The following INPP5D variants were observed in gnomAD, a reference collection of about 807,000 sequenced individuals.
INPP5D encodes inositol polyphosphate-5-phosphatase D, also known as phosphatidylinositol 3,4,5-trisphosphate 5-phosphatase 1.
In INPP5D, 33 loss-of-function variants were observed where a neutral mutation model predicts 122.9. The observed-to-expected ratio is 0.27, with a 90% CI of 0.20 to 0.36. INPP5D has a LOEUF of 0.36. INPP5D is among the 10% of genes least tolerant of loss of function. The probability of loss-of-function intolerance (pLI) is 1.00; values close to 1 mark genes in which losing one functional copy is unlikely to be tolerated. For synonymous variants in INPP5D, 584 were observed against 576.2 expected (o/e 1.01, Z -0.19); for missense variants, 1,053 against 1,412.7 (o/e 0.75, Z 4.08).
At chr2:233,102,299 C>T (rs1224956889) in intron 2 of INPP5D, among the ~76,000 whole-genome samples, 1 of 152,164 alleles carries the variant, frequency 6.6e-6, no homozygotes, top group Non-Finnish European at 1.5e-5. Flanking sequence ...TGTGTTACCC[C>T]ATGATGCTGT....
At chr2:233,150,352 C>T (rs899972904) in intron 9 of INPP5D, among the ~76,000 whole-genome samples, 10 of 152,182 alleles carry the variant, frequency 6.6e-5, no homozygotes, top group Admixed American at 1.3e-4. Context: ...CCATGTAAGA[C>T]GTGACTTTGC....
chr2:233,090,020 G>A (rs1574716789), intron 2 of INPP5D, among the ~76,000 whole-genome samples: 1 of 152,324 alleles, frequency 6.6e-6, no homozygotes, highest in East Asian at 1.9e-4. Context: ...TCGCATTGTG[G>A]GGTGGTAGGC....
At chr2:233,176,724 TTGGA>T in intron 17 of INPP5D, among the ~76,000 whole-genome samples, 1 of 138,536 alleles carries the variant, frequency 7.2e-6, no homozygotes, top group East Asian at 2.2e-4. Context: ...GGACAGGTAG[TTGGA>T]TGGATGGGTG....
chr2:233,121,196 A>AT (rs1692964780), intron 2 of INPP5D, among the ~76,000 whole-genome samples: 1 of 132,346 alleles, frequency 7.6e-6, no homozygotes, highest in South Asian at 2.3e-4. Flanking sequence ...CAGTGGTGTG[A>AT]TCTTGGTTCA....
intron 23 of INPP5D, 148 bp from the exon 24 acceptor site, chr2:233,195,251 G>C: frequency 8.7e-7 from 1 of 1,147,542 alleles, no homozygotes; most frequent in Admixed American, 2.1e-5. Context: ...ACTCTTAGGA[G>C]GCCTCAGAAT....
At chr2:233,163,602 T>C in intron 11 of INPP5D, 105 bp from the exon 12 acceptor site, 1 of 1,576,618 alleles carries the variant, frequency 6.3e-7, no homozygotes, top group Non-Finnish European at 8.6e-7. Flanking sequence ...TGGTCTTGTG[T>C]AATGACGTGA....
chr2:233,130,784 A>G, intron 5 of INPP5D, 136 bp downstream of exon 5: 1 of 926,738 alleles, frequency 1.1e-6, no homozygotes, highest in South Asian at 1.4e-5. Flanking sequence ...TGGTGAGCAC[A>G]GCTTGGAAAT....
rs771204168 is a variant in INPP5D, at chr2:233,182,421, G to A, written c.2083G>A (p.Asp695Asn). 11 of 1,613,472 alleles carry A rather than the reference G, an allele frequency of 6.8e-6. No individual in the cohort carries two copies. Among genetic ancestry groups the A allele is most frequent in the South Asian group, 1.1e-5 (1 of 91,032 alleles). Residue 695 changes from aspartate (D) to asparagine (N), a missense_variant, in exon 19 of 27, where the codon GAC becomes AAC. Physicochemically the swap from Asp to Asn is conservative, Grantham distance 23. Coordinates refer to ENST00000445964, the MANE Select transcript of INPP5D (RefSeq NM_001017915.3). ...TCCCTCCCCTGCAGGCAGTACCAGC[G>A]ACATCATGACGAGTGACCACAGCCC... The part of the protein sequence containing the change: ...VVCQSYGSTS[D>N]IMTSDHSPVF...
intron 2 of INPP5D, among the ~76,000 whole-genome samples, chr2:233,112,051 G>A (rs1390432082): frequency 6.9e-6 from 1 of 144,006 alleles, no homozygotes; most frequent in Non-Finnish European, 1.5e-5. Context: ...ACAACAGAGT[G>A]AGACTCTGTC....
intron 5 of INPP5D, among the ~76,000 whole-genome samples, chr2:233,138,899 C>G (rs1173831124): frequency 6.6e-6 from 1 of 150,814 alleles, no homozygotes; most frequent in Non-Finnish European, 1.5e-5. Flanking sequence ...GAGCCCGCCA[C>G]CACACCTGGC....
chr2:233,198,898 C>A (rs1435374936), intron 25 of INPP5D, among the ~76,000 whole-genome samples: 1 of 149,532 alleles, frequency 6.7e-6, no homozygotes, highest in African/African-American at 2.5e-5. Flanking sequence ...TGCGGTGCGC[C>A]GAGATTGCGC....
intron 2 of INPP5D, among the ~76,000 whole-genome samples, chr2:233,115,240 A>G (rs1692753936): frequency 6.6e-6 from 1 of 152,166 alleles, no homozygotes; most frequent in Non-Finnish European, 1.5e-5. Context: ...TTCCATTTAA[A>G]ACGAAGCCTG....
chr2:233,142,774 C>A (rs2106275357), intron 6 of INPP5D, among the ~76,000 whole-genome samples: 1 of 152,162 alleles, frequency 6.6e-6, no homozygotes, highest in Admixed American at 6.5e-5. Flanking sequence ...CTGATGTAAA[C>A]CCTCAGGTAG....
chr2:233,158,665 G>A (rs1694119879), intron 10 of INPP5D, among the ~76,000 whole-genome samples: 2 of 152,120 alleles, frequency 1.3e-5, no homozygotes, highest in South Asian at 4.1e-4. Flanking sequence ...CCAGCCTCGA[G>A]GCCACATCCT....
intron 2 of INPP5D, among the ~76,000 whole-genome samples, chr2:233,101,236 C>G (rs1237928800): frequency 6.6e-6 from 1 of 152,164 alleles, no homozygotes; most frequent in Non-Finnish European, 1.5e-5. Flanking sequence ...TGGAGACACT[C>G]TAACCACAGC....
Position 233,189,832 on chromosome 2 carries a change from G to C in INPP5D, c.2359-18G>C. The C allele has an allele frequency of 1.2e-6, 2 of 1,612,004 alleles. No homozygotes were observed. Among genetic ancestry groups the C allele is most frequent in the Non-Finnish European group, 1.7e-6 (2 of 1,178,890 alleles). On this transcript the variant is annotated intron_variant, in intron 21 of 26. Transcript: ENST00000445964. The surrounding 1 kb of genome is among the most constrained non-coding windows in gnomAD (Gnocchi z 5.6). ...TCCCTTGCCCATCAACTCCAGTCCT[G>C]TGCCCTTCTCTCTGCAGCTGAAGCC...
rs748781603 is a variant in INPP5D, at chr2:233,189,844, C to G, written c.2359-6C>G. The G allele has an allele frequency of 6.2e-7, 1 of 1,612,792 alleles. No individual in the cohort carries two copies. The highest frequency in any genetic ancestry group is 1.3e-5 in the African/African-American group (1 of 74,890). On this transcript the variant is annotated splice_region_variant and splice_polypyrimidine_tract_variant and intron_variant, in intron 21 of 26. Coordinates refer to ENST00000445964, the MANE Select transcript of INPP5D (RefSeq NM_001017915.3). The surrounding 1 kb of genome is among the most constrained non-coding windows in gnomAD (Gnocchi z 5.6). ...CAACTCCAGTCCTGTGCCCTTCTCT[C>G]TGCAGCTGAAGCCCATTATCTCTGA... is the stretch of plus-strand genomic sequence containing the variant.
At chr2:233,080,104 A>G (rs913257615) in intron 2 of INPP5D, among the ~76,000 whole-genome samples, 9 of 151,842 alleles carry the variant, frequency 5.9e-5, no homozygotes, top group African/African-American at 1.9e-4. Flanking sequence ...TGATTTTTGT[A>G]TTTTTGGTAC....
intron 9 of INPP5D, among the ~76,000 whole-genome samples, chr2:233,148,729 G>A (rs1181035905): frequency 6.6e-6 from 1 of 152,022 alleles, no homozygotes; most frequent in South Asian, 2.1e-4. Flanking sequence ...GGGTTCCCCC[G>A]AGAAACCTGA....
Sources: gnomAD v4.1 joint callset for allele counts (sites outside exome capture counted in the v4.1 genomes callset) on GRCh38, gnomAD v4.1.1 for gene constraint, Gnocchi (gnomAD v3.1) non-coding constraint, MANE v1.5 for transcripts, NCBI Gene and HGNC (gene_info 2026-07-23, HGNC 2026-07-21) for gene names.